The following CLIC6 variants were observed in gnomAD, a reference collection of about 807,000 sequenced individuals.
The protein encoded by CLIC6 is chloride intracellular channel protein 6.
A neutral mutation model predicts 49.2 loss-of-function variants in CLIC6; 39 were observed. The observed-to-expected ratio is 0.79, with a 90% confidence interval of 0.61 to 1.04. The LOEUF (loss-of-function observed/expected upper bound fraction) is 1.04, where lower values mean the gene tolerates loss of function less well. Among genes scored for constraint, CLIC6 ranks in the 50% least tolerant of loss-of-function variants. The pLI, the probability that CLIC6 is intolerant of heterozygous loss-of-function variation, is 0.00. For synonymous variants in CLIC6, 446 were observed against 433.4 expected, an observed-to-expected ratio of 1.03 and a Z score of -0.36; for missense variants, 988 against 993.1, an observed-to-expected ratio of 0.99 and a Z score of 0.07.
rs1989522869 is a variant in CLIC6, at chr21:34,670,213, G to A, written c.825G>A (p.Pro275=). Residue 275 remains proline (P), a synonymous_variant, in exon 1 of 6, where the codon CCG becomes CCA. Transcript: ENST00000349499. ...PAGDSVEAEG[P]AGDSMDAEGP... ...GGGACAGCGTAGAAGCCGAAGGCCC[G>A]GCGGGGGACAGCATGGACGCCGAGG... The A allele has an allele frequency of 1.4e-6, 2 of 1,411,518 alleles. No individual in the cohort carries two copies. Among genetic ancestry groups the A allele is most frequent in the Non-Finnish European group, 1.8e-6 (2 of 1,090,462 alleles). 87.4% of individuals were successfully genotyped at this position (1,411,518 alleles called of 1,614,324 possible). A position where few individuals can be genotyped will look rare whatever the true frequency, so the allele number is the denominator to read the frequency against.
At chr21:34,690,494 C>A (rs1182508983) in intron 1 of CLIC6, among the ~76,000 whole-genome samples, 1 of 152,122 alleles carries the variant, frequency 6.6e-6, no homozygotes, top group African/African-American at 2.4e-5. Context: ...AGTCACTGGA[C>A]TTGCCTAGAT....
chr21:34,669,756 G>A lies in CLIC6; in HGVS notation c.368G>A (p.Gly123Glu). The change falls in exon 1 of 6, where the codon GGG becomes GAG. Residue 123 changes from glycine to glutamate, a missense_variant. Physicochemically the swap from Gly to Glu is moderately conservative, Grantham distance 98. Transcript: ENST00000349499. ...CGCGGCGCGCAGGGCGAGCCCCGCGGGGAGGCTCAGAGGGAGCCCGAGGAC... is the reference window on the plus strand; with the variant it reads ...CGCGGCGCGCAGGGCGAGCCCCGCGAGGAGGCTCAGAGGGAGCCCGAGGAC... ...PGRGAQGEPR[G>E]EAQREPEDSA... The A allele has an allele frequency of 7.1e-7, 1 of 1,400,996 alleles. No homozygotes were observed. Among genetic ancestry groups the A allele is most frequent in the Non-Finnish European group, 9.2e-7 (1 of 1,088,258 alleles). The allele number at this position is 1,400,996 out of a possible 1,614,324, so 86.8% of individuals were successfully genotyped here. A position where few individuals can be genotyped will look rare whatever the true frequency, so the allele number is the denominator to read the frequency against.
chr21:34,709,209 A>G lies in CLIC6; in HGVS notation c.1718-148A>G, dbSNP rs2056038317. The G allele has an allele frequency of 1.2e-5, 8 of 642,148 alleles. No homozygotes were observed. In the South Asian group the frequency reaches 1.6e-4, roughly 13 times the overall value. 39.8% of individuals were successfully genotyped at this position (642,148 alleles called of 1,614,324 possible). A position where few individuals can be genotyped will look rare whatever the true frequency, so the allele number is the denominator to read the frequency against. On this transcript the variant is annotated intron_variant, in intron 4 of 5. Transcript: ENST00000349499. Reference sequence around the variant, plus strand: ...AGGGAGGAGTGAGCCCTTTATTCAGATATTCTACATCCACCTGCTGCCTTC... The same window carrying G: ...AGGGAGGAGTGAGCCCTTTATTCAGGTATTCTACATCCACCTGCTGCCTTC...
chr21:34,693,975 CTTTTT>C (rs71196904), intron 1 of CLIC6, among the ~76,000 whole-genome samples: 19 of 124,632 alleles, frequency 1.5e-4, no homozygotes, highest in Admixed American at 1.1e-3. Flanking sequence ...TTGTTGTTTT[CTTTTT>C]TTTTTTTTTT....
rs79804191 is a variant in CLIC6, at chr21:34,681,480, A to C, written c.1374+10718A>C. Among the ~76,000 whole-genome samples the C allele has an allele frequency of 3.3e-3, 507 of 152,290 alleles. 1 individual carries two copies. The highest frequency in any genetic ancestry group is 0.011 in the African/African-American group (474 of 41,560). Reference sequence around the variant, plus strand: ...AGCTGTGATCTCATCTGAAGGATTAATTGGGGCTAGGGCTGTGGTTTCATC... The same window carrying C: ...AGCTGTGATCTCATCTGAAGGATTACTTGGGGCTAGGGCTGTGGTTTCATC... On this transcript the variant is annotated intron_variant, in intron 1 of 5. Coordinates refer to ENST00000349499, the MANE Select transcript of CLIC6 (RefSeq NM_053277.3).
At chr21:34,689,253 C>T (rs1989941817) in intron 1 of CLIC6, among the ~76,000 whole-genome samples, 1 of 152,200 alleles carries the variant, frequency 6.6e-6, no homozygotes, top group South Asian at 2.1e-4. Context: ...TGGTTTTCCA[C>T]ACCTCCAGCA....
chr21:34,714,257 C>T (rs989494026), intron 5 of CLIC6, among the ~76,000 whole-genome samples: 1 of 152,080 alleles, frequency 6.6e-6, no homozygotes, highest in African/African-American at 2.4e-5. Context: ...ATTATACGGA[C>T]AGAATAGAGT....
Position 34,670,650 on chromosome 21 carries a change from G to C in CLIC6, c.1262G>C (p.Gly421Ala), listed in dbSNP as rs961657503. Residue 421 changes from glycine to alanine, a missense_variant, in exon 1 of 6, where the codon GGC (glycine) becomes GCC (alanine). By Grantham distance (60) the Gly-to-Ala change is moderately conservative. Around this residue, in one of 3 missense-constraint regions of CLIC6, gnomAD observed 647 missense variants for 596.9 expected, o/e 1.08. Coordinates refer to ENST00000349499, the MANE Select transcript of CLIC6 (RefSeq NM_053277.3). ...CTCAGCAACCACCTGGCCGAGGAGG[G>C]CCCCGCCGAGGGTAGCGGCGAGGCC... Reference protein sequence around the residue: ...AQLSNHLAEEGPAEGSGEAAR... With the variant: ...AQLSNHLAEEAPAEGSGEAAR... 28 of 1,559,168 alleles carry C rather than the reference G, an allele frequency of 1.8e-5. No homozygotes were observed. The highest frequency in any genetic ancestry group is 2.3e-5 in the Non-Finnish European group (26 of 1,155,142).
intron 1 of CLIC6, among the ~76,000 whole-genome samples, chr21:34,684,514 G>C (rs1013459322): frequency 6.6e-6 from 1 of 152,230 alleles, no homozygotes; most frequent in African/African-American, 2.4e-5. Flanking sequence ...TAGCTACTCT[G>C]TCAGGTGGTC....
chr21:34,670,816 G>C (rs1214785980), intron 1 of CLIC6, 54 bp downstream of exon 1: 2 of 1,540,672 alleles, frequency 1.3e-6, no homozygotes, highest in African/African-American at 2.7e-5. Context: ...TCGAGGTCTT[G>C]GTCATCTCAG....
intron 1 of CLIC6, among the ~76,000 whole-genome samples, chr21:34,687,684 G>T (rs940513534): frequency 1.3e-5 from 2 of 152,104 alleles, no homozygotes; most frequent in African/African-American, 4.8e-5. Context: ...TTAATCCATT[G>T]AATAATAAAT....
intron 1 of CLIC6, among the ~76,000 whole-genome samples, chr21:34,695,632 C>T (rs917338525): frequency 8.5e-5 from 13 of 152,150 alleles, no homozygotes; most frequent in Admixed American, 7.2e-4. Flanking sequence ...TTGGGGATTG[C>T]CCTATTGACC....
At chr21:34,699,690 T>G (rs1463010323) in intron 1 of CLIC6, among the ~76,000 whole-genome samples, 1 of 152,196 alleles carries the variant, frequency 6.6e-6, no homozygotes, top group African/African-American at 2.4e-5. Context: ...GCAGCATCGT[T>G]CGTAATACTA....
chr21:34,718,064 A>T lies in CLIC6; in HGVS notation c.*1582A>T, dbSNP rs2056097924. On this transcript the variant is annotated 3_prime_UTR_variant, in exon 6 of 6. Coordinates refer to ENST00000349499, the MANE Select transcript of CLIC6 (RefSeq NM_053277.3). ...TGTTTCACATCTGGTTAGGGGGCAG[A>T]TTTTAAAATGTAGTTTTGTAATGTT... is the stretch of plus-strand genomic sequence containing the variant. The T allele has an allele frequency of 6.6e-6, 1 of 152,622 alleles. No individual in the cohort carries two copies. The highest frequency in any genetic ancestry group is 2.4e-5 in the African/African-American group (1 of 41,446). 9.5% of individuals were successfully genotyped at this position (152,622 alleles called of 1,614,324 possible).
chr21:34,701,409 A>C (rs904231580), intron 1 of CLIC6, among the ~76,000 whole-genome samples: 1 of 151,270 alleles, frequency 6.6e-6, no homozygotes, highest in African/African-American at 2.4e-5. Flanking sequence ...GGCACCCTGC[A>C]CTCCGTAATT....
In CLIC6 at chr21:34,717,817, C is replaced by T. The variant is rs2056096162; in HGVS notation, c.*1335C>T. 6.6e-6 allele frequency: 1 copy of T among 152,160 alleles called. No homozygotes were observed. The allele number at this position is 152,160 out of a possible 1,614,324, so 9.4% of individuals were successfully genotyped here. On this transcript the variant is annotated 3_prime_UTR_variant, in exon 6 of 6. Coordinates refer to ENST00000349499, the MANE Select transcript of CLIC6 (RefSeq NM_053277.3). ...ATAAAGCTCATTTTTAATGTGTACA[C>T]CTGCTCTAGGGACGATTCGTTTGAA...
intron 2 of CLIC6, 92 bp from the exon 3 acceptor site, chr21:34,707,852 T>C: frequency 7.2e-7 from 1 of 1,386,704 alleles, no homozygotes. Context: ...CAAGAGTTGC[T>C]TCTCTTAAAC....
intron 1 of CLIC6, among the ~76,000 whole-genome samples, chr21:34,673,228 GCTAA>G (rs1438757645): frequency 4.6e-5 from 7 of 151,506 alleles, no homozygotes; most frequent in Admixed American, 2.0e-4. Context: ...GTGCTCAGTT[GCTAA>G]CTTTTTTTTT....
At chr21:34,697,224 AT>A (rs55854330) in intron 1 of CLIC6, among the ~76,000 whole-genome samples, 36,080 of 151,884 alleles carry the variant, frequency 0.24, 6,043 homozygotes, top group African/African-American at 0.48. Flanking sequence ...TACGCCAGTG[AT>A]TTTTTTAACT....
Sources: gnomAD v4.1 joint callset for allele counts (sites outside exome capture counted in the v4.1 genomes callset) on GRCh38, gnomAD v4.1.1 for gene constraint, gnomAD v4.1.1 regional missense constraint, MANE v1.5 for transcripts, NCBI Gene and HGNC (gene_info 2026-07-23, HGNC 2026-07-21) for gene names.